The following TMPRSS9 variants were observed in gnomAD, a reference collection of about 807,000 sequenced individuals.
TMPRSS9 encodes the protein transmembrane protease serine 9.
In TMPRSS9, 113 loss-of-function variants were observed where a neutral mutation model predicts 111.4. The observed-to-expected ratio is 1.01, with a 90% CI of 0.87 to 1.19. The LOEUF is 1.19. Ranked by LOEUF, TMPRSS9 falls within the 50% of genes most tolerant of loss-of-function variation. The pLI is 0.00. For missense variants in TMPRSS9, 1,803 were observed against 1,513.1 expected (o/e 1.19, Z -3.18); for synonymous variants, 805 against 659.1 (o/e 1.22, Z -3.39).
intron 13 of TMPRSS9, among the ~76,000 whole-genome samples, chr19:2,418,661 A>C (rs374568769): frequency 0.067 from 6 of 90 alleles, no homozygotes; most frequent in Admixed American, 0.17. Flanking sequence ...TTCCCTCCCT[A>C]CCTTTCCTTT....
At chr19:2,391,429 G>A (rs1970593231) in intron 1 of TMPRSS9, among the ~76,000 whole-genome samples, 1 of 149,526 alleles carries the variant, frequency 6.7e-6, no homozygotes. Flanking sequence ...CCCAGAGCCA[G>A]ACATGTTTGA....
chr19:2,363,020 G>T (rs1313573895), intron 1 of TMPRSS9, among the ~76,000 whole-genome samples: 1 of 152,150 alleles, frequency 6.6e-6, no homozygotes, highest in African/African-American at 2.4e-5. Flanking sequence ...GGGGATCAGG[G>T]TCCCAGCGCT....
intron 9 of TMPRSS9, 28 bp downstream of exon 10, chr19:2,410,422 A>G (rs373454601): frequency 2.5e-4 from 396 of 1,611,418 alleles, no homozygotes; most frequent in Non-Finnish European, 3.2e-4. Flanking sequence ...CAGACCCCAG[A>G]AAAACACAGA....
chr19:2,420,135 C>T (rs1042586686), intron 13 of TMPRSS9, among the ~76,000 whole-genome samples: 2 of 151,316 alleles, frequency 1.3e-5, no homozygotes, highest in African/African-American at 4.9e-5. Context: ...GCACTCCATC[C>T]TGGGCGACAC....
intron 6 of TMPRSS9, 116 bp downstream of exon 7, chr19:2,403,311 TG>T: frequency 2.4e-6 from 2 of 848,224 alleles, no homozygotes; most frequent in Non-Finnish European, 1.9e-6. Flanking sequence ...CTGGCATTTA[TG>T]GGGGCTGGGC....
chr19:2,360,542 G>C (rs981218187), intron 1 of TMPRSS9, among the ~76,000 whole-genome samples, 182 bp downstream of exon 1: 3 of 152,184 alleles, frequency 2.0e-5, no homozygotes, highest in African/African-American at 4.8e-5. Flanking sequence ...GAGGCAGCCG[G>C]GGCTGTGTGG....
At chr19:2,404,557 T>C (rs540354775) in intron 6 of TMPRSS9, among the ~76,000 whole-genome samples, 1 of 147,316 alleles carries the variant, frequency 6.8e-6, no homozygotes, top group South Asian at 2.1e-4. Context: ...AAAAAAAAGC[T>C]GTCATTTTGC....
At chr19:2,401,013 G>A (rs575480650) in intron 4 of TMPRSS9, among the ~76,000 whole-genome samples, 26 of 150,742 alleles carry the variant, frequency 1.7e-4, no homozygotes, top group Admixed American at 4.7e-4. Context: ...GGTGGCTTAC[G>A]CCTGTAATCC....
At position 2,389,980 on chromosome 19, in the gene TMPRSS9, T is replaced by G; in HGVS notation, c.142+53T>G. The G allele has an allele frequency of 3.2e-6, 5 of 1,572,370 alleles. No homozygotes were observed. The South Asian group carries it at 3.4e-5, about 11-fold the overall frequency. ...CGCAATACAAGGGACATGTGCAAAG[T>G]CACCGGGAAGTGACTTGATGGTGTC... On this transcript the variant is annotated intron_variant, in intron 1 of 17. Coordinates refer to ENST00000648592, the Ensembl canonical transcript of TMPRSS9.
chr19:2,367,554 C>T (rs942131689), intron 1 of TMPRSS9, among the ~76,000 whole-genome samples: 1 of 141,898 alleles, frequency 7.0e-6, no homozygotes, highest in Non-Finnish European at 1.5e-5. Flanking sequence ...ACCACCATGA[C>T]TGGCTAATTT....
At chr19:2,418,176 T>A in intron 13 of TMPRSS9, 38 bp downstream of exon 14, 3 of 1,608,378 alleles carry the variant, frequency 1.9e-6, no homozygotes, top group Non-Finnish European at 2.5e-6. Flanking sequence ...AATATTTCCA[T>A]GAAATGCCCA....
exon 11 of TMPRSS9, chr19:2,415,772 C>T: frequency 1.2e-6 from 2 of 1,610,112 alleles, no homozygotes; most frequent in South Asian, 2.2e-5. Context: ...AAGGAAGGGT[C>T]CCGGCACTTC....
At chr19:2,397,045 C>A (rs535061503) in intron 2 of TMPRSS9, among the ~76,000 whole-genome samples, 2 of 151,102 alleles carry the variant, frequency 1.3e-5, no homozygotes, top group East Asian at 3.9e-4. Context: ...CTCAGCCTCC[C>A]GAGTAGCTGG....
exon 11 of TMPRSS9, chr19:2,415,789 G>T: frequency 6.2e-7 from 1 of 1,607,924 alleles, no homozygotes. Context: ...CTTCTGCGGA[G>T]CAACTGTGGT....
At chr19:2,403,230 C>T (rs776212354) in intron 6 of TMPRSS9, 35 bp downstream of exon 7, 1 of 1,528,412 alleles carries the variant, frequency 6.5e-7, no homozygotes, top group Admixed American at 1.9e-5. Context: ...CTCTGGGCCC[C>T]TTCCCTTTTC....
chr19:2,408,794 G>A (rs1009890691), intron 8 of TMPRSS9, among the ~76,000 whole-genome samples, 164 bp downstream of exon 9: 15 of 147,216 alleles, frequency 1.0e-4, no homozygotes, highest in Admixed American at 2.0e-4. Context: ...GGCCAACATA[G>A]TGAAAACCCG....
chr19:2,406,570 G>C (rs1393139253), intron 7 of TMPRSS9, among the ~76,000 whole-genome samples: 1 of 138,504 alleles, frequency 7.2e-6, no homozygotes, highest in African/African-American at 2.7e-5. Flanking sequence ...CCTGTCCTCA[G>C]GTGATCCGCC....
intron 1 of TMPRSS9, among the ~76,000 whole-genome samples, chr19:2,373,796 G>A (rs541066363): frequency 1.0e-3 from 154 of 152,336 alleles, no homozygotes; most frequent in African/African-American, 3.6e-3. Flanking sequence ...CACAGTGCCC[G>A]GCCAACTTTT....
chr19:2,394,671 G>A (rs887367693), intron 1 of TMPRSS9, among the ~76,000 whole-genome samples: 1 of 152,092 alleles, frequency 6.6e-6, no homozygotes, highest in East Asian at 1.9e-4. Context: ...TGAATATATG[G>A]CTACGTAAAT....
Sources: gnomAD v4.1 joint callset for allele counts (sites outside exome capture counted in the v4.1 genomes callset) on GRCh38, gnomAD v4.1.1 for gene constraint, MANE v1.5 for transcripts, NCBI Gene and HGNC (gene_info 2026-07-23, HGNC 2026-07-21) for gene names.